GC: variants seen among roughly 807,000 people sequenced by gnomAD.
GC encodes vitamin D-binding protein.
A neutral mutation model predicts 56.7 loss-of-function variants in GC; 43 were observed. The observed-to-expected ratio is 0.76, with a 90% CI of 0.59 to 0.98. GC has a LOEUF of 0.98. Ranked by LOEUF, GC falls within the 50% of genes least tolerant of loss-of-function variation. The pLI, the probability that GC is intolerant of heterozygous loss-of-function variation, is 0.00. For synonymous variants in GC, 216 were observed against 202.7 expected (o/e 1.07, Z -0.56); for missense variants, 529 against 545.9 (o/e 0.97, Z 0.31).
At chr4:71,786,993 C>T (rs143807144), upstream of GC, among the ~76,000 whole-genome samples, 1 of 151,822 alleles carries the variant, frequency 6.6e-6, no homozygotes, top group Non-Finnish European at 1.5e-5. Context: ...GAACAGAACA[C>T]AATCCAGGTT....
At chr4:71,745,816 C>T (rs1313448426) in intron 12 of GC, among the ~76,000 whole-genome samples, 3 of 151,974 alleles carry the variant, frequency 2.0e-5, no homozygotes, top group Non-Finnish European at 4.4e-5. Flanking sequence ...CTTGATGAGC[C>T]CTGTCTTTAA....
intron 1 of GC, among the ~76,000 whole-genome samples, chr4:71,778,045 A>T (rs531363723): frequency 2.9e-4 from 44 of 151,876 alleles, no homozygotes; most frequent in Admixed American, 9.9e-4. Flanking sequence ...TATATATAAA[A>T]AAAAACAAAA....
At chr4:71,782,440 A>G (rs2149306563) in intron 1 of GC, among the ~76,000 whole-genome samples, 1 of 151,954 alleles carries the variant, frequency 6.6e-6, no homozygotes, top group Admixed American at 6.6e-5. Flanking sequence ...CAAGTGTATT[A>G]TGTATGTCTC....
At chr4:71,763,779 A>G in intron 5 of GC, 25 bp downstream of exon 5, 1 of 1,585,350 alleles carries the variant, frequency 6.3e-7, no homozygotes, top group Non-Finnish European at 8.6e-7. Flanking sequence ...AAACGTAAAC[A>G]TATAATAAGT....
rs111909038 is a variant in GC at position 71,783,217 on chromosome 4, T to C, written c.58+744A>G. ...AAAGCAGGATAAATGCAGATGTCCCTTGTGAACATTAAAGAATCAGCCAGA... is the reference window on the plus strand; with the variant it reads ...AAAGCAGGATAAATGCAGATGTCCCCTGTGAACATTAAAGAATCAGCCAGA... On this transcript the variant is annotated intron_variant, in intron 1 of 12. Coordinates refer to ENST00000273951, the MANE Select transcript of GC (RefSeq NM_000583.4). 1.7e-4 allele frequency among the ~76,000 whole-genome samples: 26 copies of C among 151,838 alleles called. 2 individuals carry two copies. Among genetic ancestry groups the C allele is most frequent in the African/African-American group, 6.3e-4 (26 of 41,496 alleles).
In GC at chr4:71,752,648, A is replaced by G. The variant is rs760191055; in HGVS notation, c.1265T>C (p.Leu422Pro). Residue 422 changes from leucine (L) to proline (P), a missense_variant and splice_region_variant, in exon 11 of 13, where the codon CTG (leucine) becomes CCG (proline). Leu to Pro is a moderately conservative substitution (Grantham distance 98). Transcript: ENST00000273951. Reference sequence around the variant, plus strand: ...CAATTTTGCTTTTAGTCGCTCTGCCAGTCTGAAAAACCATTTAAATGTAAG... The same window carrying G: ...CAATTTTGCTTTTAGTCGCTCTGCCGGTCTGAAAAACCATTTAAATGTAAG... ...ENTFTEYKKK[L>P]AERLKAKLPD... is the part of the protein sequence containing the mutation. The G allele has an allele frequency of 3.3e-5, 53 of 1,612,514 alleles. No individual in the cohort carries two copies. In the East Asian group the frequency reaches 1.1e-3, roughly 33 times the overall value.
intron 12 of GC, among the ~76,000 whole-genome samples, chr4:71,742,594 T>C (rs985961867): frequency 6.6e-6 from 1 of 152,214 alleles, no homozygotes; most frequent in African/African-American, 2.4e-5. Flanking sequence ...TGTGAGCCAA[T>C]TCATTTATGT....
intron 11 of GC, among the ~76,000 whole-genome samples, chr4:71,749,828 G>A (rs1320693706): frequency 6.6e-6 from 1 of 152,068 alleles, no homozygotes; most frequent in African/African-American, 2.4e-5. Flanking sequence ...TAAAGAAAAG[G>A]CTTTTATTCT....
At chr4:71,755,233 G>A (rs756171443) in intron 8 of GC, 126 bp from the exon 9 acceptor site, 91 of 280,838 alleles carry the variant, frequency 3.2e-4, no homozygotes, top group Admixed American at 1.6e-3. Flanking sequence ...TGCCATCTTG[G>A]CTCGCTGTAA....
At chr4:71,764,820 C>T (rs1742106421) in intron 4 of GC, among the ~76,000 whole-genome samples, 1 of 152,178 alleles carries the variant, frequency 6.6e-6, no homozygotes, top group South Asian at 2.1e-4. Context: ...GTATATATTT[C>T]TTACTTTAAT....
At position 71,754,478 on chromosome 4, in the gene GC, A is replaced by G; in HGVS notation, c.1195T>C (p.Phe399Leu). 6.3e-7 allele frequency: 1 copy of G among 1,583,172 alleles called. No individual in the cohort carries two copies. The highest frequency in any genetic ancestry group is 8.7e-7 in the Non-Finnish European group (1 of 1,152,958). The change falls in exon 10 of 13, where the codon TTC becomes CTC. Residue 399 changes from phenylalanine to leucine, a missense_variant. Physicochemically the swap from Phe to Leu is conservative, Grantham distance 22. Transcript: ENST00000273951. The stretch of plus-strand genomic sequence containing the variant: ...CATAGTTCTTGTCCCTTGTCAATGA[A>G]AGAAGATAGTTCCTTCTTTAGTAGA... ...GPLLKKELSS[F>L]IDKGQELCAD...
chr4:71,804,962 C>T (rs1336501674), upstream of GC, among the ~76,000 whole-genome samples: 3 of 152,026 alleles, frequency 2.0e-5, no homozygotes, highest in Non-Finnish European at 4.4e-5. Context: ...GGTTCCTTCT[C>T]CCTTCCCTGT....
intron 10 of GC, among the ~76,000 whole-genome samples, chr4:71,752,945 C>G (rs1339797431): frequency 1.3e-5 from 2 of 152,116 alleles, no homozygotes; most frequent in African/African-American, 4.8e-5. Flanking sequence ...CTATTTTATC[C>G]TAACCTTTCA....
intron 1 of GC, among the ~76,000 whole-genome samples, chr4:71,791,010 C>T (rs1185785671): frequency 6.6e-6 from 1 of 151,920 alleles, no homozygotes; most frequent in South Asian, 2.1e-4. Context: ...CAAAAGAAGA[C>T]ATTTATGCAG....
At chr4:71,791,203 T>C (rs369360975) in intron 1 of GC, among the ~76,000 whole-genome samples, 4 of 152,274 alleles carry the variant, frequency 2.6e-5, no homozygotes, top group African/African-American at 7.2e-5. Context: ...CCATTGTTTG[T>C]ACTATTTTTA....
chr4:71,793,176 G>GT (rs1249602616), intron 1 of GC, among the ~76,000 whole-genome samples: 3 of 152,022 alleles, frequency 2.0e-5, no homozygotes, highest in Admixed American at 2.0e-4. Context: ...ACTTTAAAGT[G>GT]TTTTTTTCCA....
chr4:71,750,255 A>T (rs1391902756), intron 11 of GC, among the ~76,000 whole-genome samples: 1 of 152,182 alleles, frequency 6.6e-6, no homozygotes, highest in Non-Finnish European at 1.5e-5. Flanking sequence ...TACAAAGGGA[A>T]TATCACAGCT....
intron 1 of GC, among the ~76,000 whole-genome samples, chr4:71,778,041 TAA>T (rs60216664): frequency 1.3e-5 from 2 of 150,854 alleles, no homozygotes; most frequent in Non-Finnish European, 1.5e-5. Flanking sequence ...TATATATATA[TAA>T]AAAAAAACAA....
upstream of GC, among the ~76,000 whole-genome samples, chr4:71,785,566 AG>A (rs1380051172): frequency 1.3e-5 from 2 of 151,758 alleles, no homozygotes; most frequent in Non-Finnish European, 2.9e-5. Context: ...AGTTGGAAAA[AG>A]ATACCTATGC....
Sources: allele counts gnomAD v4.1 joint callset (sites outside exome capture counted in the v4.1 genomes callset), GRCh38; gene constraint gnomAD v4.1.1; transcripts MANE v1.5; gene names NCBI Gene and HGNC (gene_info 2026-07-23, HGNC 2026-07-21).